The following TTC39C variants were observed in gnomAD, a reference collection of about 807,000 sequenced individuals.
The protein encoded by TTC39C is tetratricopeptide repeat domain 39C, also known as tetratricopeptide repeat protein 39C.
TTC39C carries 33 observed loss-of-function variants against 76.3 expected under a neutral mutation model. The observed-to-expected ratio is 0.43, with a 90% CI of 0.33 to 0.58. TTC39C has a LOEUF of 0.58. Among genes scored for constraint, TTC39C ranks in the 20% least tolerant of loss-of-function variants. The probability of loss-of-function intolerance (pLI) is 0.04; values close to 1 mark genes in which losing one functional copy is unlikely to be tolerated. For missense variants in TTC39C, 595 were observed against 701.4 expected, an observed-to-expected ratio of 0.85 and a Z score of 1.71; for synonymous variants, 254 against 260.6, an observed-to-expected ratio of 0.97 and a Z score of 0.24.
intron 6 of TTC39C, among the ~76,000 whole-genome samples, chr18:24,103,697 GC>G (rs1599328398): frequency 6.6e-6 from 1 of 151,288 alleles, no homozygotes; most frequent in South Asian, 2.1e-4. Flanking sequence ...ACTTCTTTCT[GC>G]CCTTCCCACC....
chr18:24,127,763 G>T (rs1460467608), intron 10 of TTC39C, among the ~76,000 whole-genome samples: 1 of 152,152 alleles, frequency 6.6e-6, no homozygotes, highest in Non-Finnish European at 1.5e-5. Context: ...TGATCCTCCC[G>T]CTTTGGTCTT....
intron 1 of TTC39C, among the ~76,000 whole-genome samples, chr18:24,015,640 C>T (rs2083445896): frequency 3.3e-5 from 5 of 152,208 alleles, no homozygotes; most frequent in Admixed American, 3.3e-4. Flanking sequence ...TCTGCAAACT[C>T]AGTCCTCAAA....
intron 1 of TTC39C, among the ~76,000 whole-genome samples, chr18:24,018,459 G>A (rs1050521700): frequency 2.0e-5 from 3 of 152,108 alleles, no homozygotes; most frequent in African/African-American, 4.8e-5. Context: ...AGTTGCTCAG[G>A]CACATAAGAC....
intron 1 of TTC39C, among the ~76,000 whole-genome samples, chr18:24,021,901 A>T (rs559256054): frequency 2.0e-5 from 3 of 152,210 alleles, no homozygotes; most frequent in African/African-American, 7.2e-5. Flanking sequence ...AGTTTCTGCC[A>T]TGAACAGGAC....
In TTC39C at chr18:24,092,123, A is replaced by AAATAAAAAAATAAT. The variant is rs2084530004; in HGVS notation, c.984+9047_984+9048insAAAAATAATAATAA. ...AAAAAAAAAAAAAAAAAAAAAAAAAAAATAATAATAATAGACAACGGATCT... is the reference window on the plus strand; with the variant it reads ...AAAAAAAAAAAAAAAAAAAAAAAAAAAATAAAAAAATAATAATAATAATAATAGACAACGGATCT... On this transcript the variant is annotated intron_variant, in intron 6 of 13. Coordinates refer to ENST00000317571, the MANE Select transcript of TTC39C (RefSeq NM_001135993.2). 9.9e-5 allele frequency among the ~76,000 whole-genome samples: 5 copies of AAATAAAAAAATAAT among 50,506 alleles called. 1 individual carries two copies. Among genetic ancestry groups the AAATAAAAAAATAAT allele is most frequent in the African/African-American group, 2.5e-4 (5 of 19,870 alleles). The allele number at this position is 50,506 out of a possible 152,430, so 33.1% of individuals were successfully genotyped here.
At chr18:24,091,152 G>T (rs1387985560) in intron 6 of TTC39C, among the ~76,000 whole-genome samples, 1 of 152,202 alleles carries the variant, frequency 6.6e-6, no homozygotes, top group Non-Finnish European at 1.5e-5. Flanking sequence ...ACGTCAGTGG[G>T]CAAAGAATAG....
At chr18:24,038,863 G>C (rs896640467) in intron 1 of TTC39C, among the ~76,000 whole-genome samples, 5 of 152,132 alleles carry the variant, frequency 3.3e-5, no homozygotes, top group African/African-American at 1.2e-4. Context: ...ATATGAGAGA[G>C]TGAGATGTCT....
chr18:24,051,326 G>T lies in TTC39C; in HGVS notation c.168-12814G>T, dbSNP rs560461015. Among the ~76,000 whole-genome samples the T allele has an allele frequency of 4.6e-4, 70 of 152,310 alleles. 4 individuals are homozygous for T. In the South Asian group the frequency reaches 0.015, roughly 32 times the overall value. ...AGTCTTTTTGCTGATAAGATGCAAG[G>T]CCATATCACAAGCAGTTAACAAAAA... On this transcript the variant is annotated intron_variant, in intron 1 of 13. Coordinates refer to ENST00000317571, the MANE Select transcript of TTC39C (RefSeq NM_001135993.2).
chr18:24,082,483 G>A (rs2084389532), intron 5 of TTC39C, among the ~76,000 whole-genome samples: 1 of 152,116 alleles, frequency 6.6e-6, no homozygotes, highest in East Asian at 1.9e-4. Context: ...GAACGCAAGA[G>A]AAAACAACAT....
At chr18:24,017,226 C>T (rs542426255) in intron 1 of TTC39C, among the ~76,000 whole-genome samples, 26 of 152,236 alleles carry the variant, frequency 1.7e-4, no homozygotes, top group African/African-American at 6.0e-4. Flanking sequence ...CGTTCTTCCC[C>T]CCTCCCAAAA....
chr18:24,126,241 C>A (rs140189025), intron 10 of TTC39C, among the ~76,000 whole-genome samples: 2 of 152,188 alleles, frequency 1.3e-5, no homozygotes, highest in East Asian at 3.9e-4. Flanking sequence ...ATATGTGCTG[C>A]ATTTTCCCAA....
chr18:24,026,686 G>A (rs2083603927), intron 1 of TTC39C, among the ~76,000 whole-genome samples: 1 of 152,090 alleles, frequency 6.6e-6, no homozygotes, highest in Non-Finnish European at 1.5e-5. Context: ...GTCTGAGCGT[G>A]GTGTGCCTCA....
intron 6 of TTC39C, among the ~76,000 whole-genome samples, chr18:24,086,475 T>G (rs1189606288): frequency 6.6e-6 from 1 of 152,198 alleles, no homozygotes; most frequent in African/African-American, 2.4e-5. Flanking sequence ...TATAGGAGGA[T>G]TTCTTCCACA....
intron 1 of TTC39C, among the ~76,000 whole-genome samples, chr18:24,023,991 T>TACACAC (rs1442221646): frequency 1.1e-3 from 6 of 5,398 alleles, no homozygotes; most frequent in African/African-American, 3.3e-3. Context: ...CATATATATA[T>TACACAC]ATATATATAT....
intron 11 of TTC39C, among the ~76,000 whole-genome samples, chr18:24,129,681 C>T (rs554507656): frequency 6.5e-4 from 96 of 148,152 alleles, no homozygotes; most frequent in Middle Eastern, 3.5e-3. Context: ...GGCTGAGGCA[C>T]GAGAATTGCT....
At chr18:24,013,364 T>C (rs1223814439), upstream of TTC39C, among the ~76,000 whole-genome samples, 2 of 152,230 alleles carry the variant, frequency 1.3e-5, no homozygotes, top group Non-Finnish European at 2.9e-5. Context: ...CTAAAATTTC[T>C]ATTTATAAAA....
At chr18:24,030,858 C>G (rs969477915) in intron 1 of TTC39C, among the ~76,000 whole-genome samples, 3 of 152,096 alleles carry the variant, frequency 2.0e-5, no homozygotes, top group Non-Finnish European at 4.4e-5. Context: ...GTTGGCCAGC[C>G]TGGTCTCGAA....
At chr18:24,112,902 G>A (rs2084833879) in intron 6 of TTC39C, among the ~76,000 whole-genome samples, 1 of 152,190 alleles carries the variant, frequency 6.6e-6, no homozygotes, top group Non-Finnish European at 1.5e-5. Context: ...GGTGTGACGT[G>A]TCTAGATACC....
At position 24,060,599 on chromosome 18, in the gene TTC39C, C is replaced by T. The variant is rs1599285637; in HGVS notation, c.168-3541C>T. Among the ~76,000 whole-genome samples, 3 of 152,282 alleles carry T rather than the reference C, an allele frequency of 2.0e-5. No homozygotes were observed. In the South Asian group the frequency reaches 6.2e-4, roughly 32 times the overall value. On this transcript the variant is annotated intron_variant, in intron 1 of 13. Coordinates refer to ENST00000317571, the MANE Select transcript of TTC39C (RefSeq NM_001135993.2). Reference sequence around the variant, plus strand: ...CTAGGATTACAGGCGTGAGCCACTGCGCCTGGCCGTATTCTTTTAAAGATA... The same window carrying T: ...CTAGGATTACAGGCGTGAGCCACTGTGCCTGGCCGTATTCTTTTAAAGATA...
Sources: gnomAD v4.1 joint callset for allele counts (sites outside exome capture counted in the v4.1 genomes callset) on GRCh38, gnomAD v4.1.1 for gene constraint, MANE v1.5 for transcripts, NCBI Gene and HGNC (gene_info 2026-07-23, HGNC 2026-07-21) for gene names.